The following FBXL17 variants were observed in gnomAD, a reference collection of about 807,000 sequenced individuals.
FBXL17 encodes the protein F-box/LRR-repeat protein 17.
FBXL17 carries 22 observed loss-of-function variants against 66.2 expected under a neutral mutation model. The ratio of observed to expected loss-of-function variants is 0.33; its 90% CI spans 0.24 to 0.47. The LOEUF is 0.47. Ranked by LOEUF, FBXL17 falls within the 20% of genes least tolerant of loss-of-function variation. The pLI, the probability that FBXL17 is intolerant of heterozygous loss-of-function variation, is 1.00. For synonymous variants in FBXL17, 474 were observed against 400.5 expected (o/e 1.18, Z -2.19); for missense variants, 878 against 948.2 (o/e 0.93, Z 0.97).
intron 7 of FBXL17, among the ~76,000 whole-genome samples, chr5:107,961,052 A>T (rs1462838540): frequency 6.6e-6 from 1 of 152,104 alleles, no homozygotes; most frequent in African/African-American, 2.4e-5. Context: ...AAAAAGTGAT[A>T]CGGAGAAGCA....
intron 4 of FBXL17, among the ~76,000 whole-genome samples, chr5:108,329,941 T>G (rs1429393694): frequency 1.3e-5 from 2 of 152,092 alleles, no homozygotes; most frequent in African/African-American, 4.8e-5. Context: ...TTACTCCTAT[T>G]AGTTAAAAGT....
intron 7 of FBXL17, among the ~76,000 whole-genome samples, chr5:108,019,582 C>T (rs1754509397): frequency 6.6e-6 from 1 of 151,824 alleles, no homozygotes; most frequent in Admixed American, 6.6e-5. Flanking sequence ...TTCAAATGAA[C>T]AAATCAAAGT....
intron 6 of FBXL17, among the ~76,000 whole-genome samples, chr5:108,110,299 T>C (rs1237874717): frequency 1.3e-5 from 2 of 152,226 alleles, no homozygotes; most frequent in Non-Finnish European, 2.9e-5. Context: ...ATCAGTAATA[T>C]AGTCTATTTA....
At chr5:108,011,966 T>C (rs1187974108) in intron 7 of FBXL17, among the ~76,000 whole-genome samples, 2 of 152,200 alleles carry the variant, frequency 1.3e-5, no homozygotes, top group Non-Finnish European at 2.9e-5. Flanking sequence ...TATGTATCTC[T>C]AGAAATATCT....
At chr5:108,113,397 A>G (rs1468734990) in intron 6 of FBXL17, among the ~76,000 whole-genome samples, 1 of 152,216 alleles carries the variant, frequency 6.6e-6, no homozygotes, top group African/African-American at 2.4e-5. Flanking sequence ...ATTTAAAAAA[A>G]CAATTTTTCC....
intron 4 of FBXL17, among the ~76,000 whole-genome samples, chr5:108,318,281 G>T (rs1580806859): frequency 6.6e-6 from 1 of 151,614 alleles, no homozygotes; most frequent in Non-Finnish European, 1.5e-5. Flanking sequence ...TTATGCATTT[G>T]TTTTTTACCT....
At chr5:108,268,314 T>C (rs1225993868) in intron 4 of FBXL17, among the ~76,000 whole-genome samples, 3 of 152,022 alleles carry the variant, frequency 2.0e-5, no homozygotes, top group African/African-American at 7.2e-5. Flanking sequence ...TGCATGCATA[T>C]GTGCTGTGGC....
At chr5:108,050,166 TTAGA>T (rs1321439021) in intron 6 of FBXL17, among the ~76,000 whole-genome samples, 2 of 152,168 alleles carry the variant, frequency 1.3e-5, no homozygotes, top group African/African-American at 4.8e-5. Flanking sequence ...TCTGTCAATA[TTAGA>T]TAGATTAACG....
At chr5:107,869,858 A>G (rs567457141) in intron 8 of FBXL17, among the ~76,000 whole-genome samples, 47 of 152,292 alleles carry the variant, frequency 3.1e-4, no homozygotes, top group Middle Eastern at 3.4e-3. Flanking sequence ...TTCCTTTCTC[A>G]GACAAACCAA....
At chr5:108,102,847 TATA>T (rs1235935697) in intron 6 of FBXL17, among the ~76,000 whole-genome samples, 3 of 152,208 alleles carry the variant, frequency 2.0e-5, no homozygotes, top group Non-Finnish European at 4.4e-5. Flanking sequence ...TAATATATCT[TATA>T]AGATAGAGAA....
intron 4 of FBXL17, among the ~76,000 whole-genome samples, chr5:108,292,574 T>C (rs1432896806): frequency 1.3e-5 from 2 of 152,168 alleles, no homozygotes; most frequent in African/African-American, 4.8e-5. Context: ...CACCTGGAAA[T>C]ATTCTTCAAA....
At chr5:107,992,088 T>TTG (rs3039988) in intron 7 of FBXL17, among the ~76,000 whole-genome samples, 26,878 of 149,062 alleles carry the variant, frequency 0.18, 2,365 homozygotes, top group East Asian at 0.2. Flanking sequence ...ATCATATTAA[T>TTG]TGTGTGTGTG....
intron 3 of FBXL17, among the ~76,000 whole-genome samples, chr5:108,351,239 A>AT (rs1747635219): frequency 6.6e-6 from 1 of 152,222 alleles, no homozygotes; most frequent in African/African-American, 2.4e-5. Flanking sequence ...AAAAATTATA[A>AT]TAGAATTATG....
intron 7 of FBXL17, among the ~76,000 whole-genome samples, chr5:107,982,867 T>C (rs1028650771): frequency 3.9e-5 from 6 of 152,176 alleles, no homozygotes; most frequent in African/African-American, 1.4e-4. Context: ...GTGGTTTCCA[T>C]GTTTCCTGGC....
chr5:108,322,413 A>G (rs1580813631), intron 4 of FBXL17, among the ~76,000 whole-genome samples: 1 of 151,924 alleles, frequency 6.6e-6, no homozygotes, highest in African/African-American at 2.4e-5. Context: ...AGTGCGGGGG[A>G]AAAAAGTGTG....
At chr5:107,930,171 G>A (rs1321666324) in intron 7 of FBXL17, among the ~76,000 whole-genome samples, 1 of 152,102 alleles carries the variant, frequency 6.6e-6, no homozygotes, top group Non-Finnish European at 1.5e-5. Context: ...GTTGCATTTA[G>A]AATAGAAGCC....
intron 6 of FBXL17, among the ~76,000 whole-genome samples, chr5:108,039,004 T>C (rs1363648393): frequency 6.6e-6 from 1 of 152,024 alleles, no homozygotes; most frequent in Non-Finnish European, 1.5e-5. Context: ...AAATGGACAT[T>C]TAAATAATTT....
intron 7 of FBXL17, among the ~76,000 whole-genome samples, chr5:107,881,622 A>T (rs1048194317): frequency 1.3e-5 from 2 of 152,204 alleles, no homozygotes; most frequent in Non-Finnish European, 2.9e-5. Context: ...GTCTTTACCA[A>T]TTGGCATAAT....
rs369567983 is a variant in FBXL17 at position 107,861,718 on chromosome 5, C to T, written c.*2G>A. On this transcript the variant is annotated 3_prime_UTR_variant, in exon 9 of 9. Coordinates refer to ENST00000542267, the MANE Select transcript of FBXL17 (RefSeq NM_001163315.3). ...CCCAGTGGACTAGGCGAGGCAGGAG[C>T]GCTAGGAGGAGGCGGCAGACATGTT... 130 of 1,573,604 alleles carry T rather than the reference C, an allele frequency of 8.3e-5. 2 individuals are homozygous for T. In the East Asian group the frequency reaches 9.1e-4, roughly 11 times the overall value.
Sources: gnomAD v4.1 joint callset for allele counts (sites outside exome capture counted in the v4.1 genomes callset) on GRCh38, gnomAD v4.1.1 for gene constraint, MANE v1.5 for transcripts, NCBI Gene and HGNC (gene_info 2026-07-23, HGNC 2026-07-21) for gene names.